CUBN: variants seen among roughly 807,000 people sequenced by gnomAD.
CUBN encodes 460 kDa receptor.
A neutral mutation model predicts 405.3 loss-of-function variants in CUBN; 282 were observed. That is an observed-to-expected ratio of 0.70 (90% CI 0.63 to 0.77). The LOEUF (loss-of-function observed/expected upper bound fraction) is 0.77, where lower values mean the gene tolerates loss of function less well. Ranked by LOEUF, CUBN falls within the 30% of genes least tolerant of loss-of-function variation. The pLI is 0.00. For missense variants in CUBN, 4,514 were observed against 4,475.2 expected (o/e 1.01, Z -0.25); for synonymous variants, 1,684 against 1,617.0 (o/e 1.04, Z -0.99).
intron 27 of CUBN, among the ~76,000 whole-genome samples, chr10:17,027,043 A>G (rs554680752): frequency 2.0e-5 from 3 of 152,378 alleles, no homozygotes; most frequent in Non-Finnish European, 2.9e-5. Context: ...GGTCTGTCTC[A>G]TATAAAAACC....
intron 31 of CUBN, among the ~76,000 whole-genome samples, chr10:16,981,808 C>T (rs1512705): frequency 0.56 from 84,704 of 151,954 alleles, 24,716 homozygotes; most frequent in Middle Eastern, 0.67. Flanking sequence ...CAAGGAAACC[C>T]TCCCATCTCA....
chr10:16,937,059 C>T (rs760525880), intron 39 of CUBN, among the ~76,000 whole-genome samples: 1 of 152,102 alleles, frequency 6.6e-6, no homozygotes, highest in Non-Finnish European at 1.5e-5. Context: ...CCAAACAATG[C>T]TAGCTCAATA....
rs376970710 is a variant in CUBN at position 16,939,099 on chromosome 10, G to A, written c.5597C>T (p.Pro1866Leu). Residue 1866 changes from proline to leucine, a missense_variant, in exon 38 of 67, where the codon CCT becomes CTT. By Grantham distance (98) the Pro-to-Leu change is moderately conservative (BLOSUM62 -3). This residue lies in a region of CUBN where 1,613 missense variants were observed against 1,542.8 expected (regional missense o/e 1.05). Coordinates refer to ENST00000377833, the MANE Select transcript of CUBN (RefSeq NM_001081.4). The stretch of plus-strand genomic sequence containing the variant: ...ATGTGGGTAGTTTTCAGGCCAGAAA[G>A]GAGAGGCGACTTTCCCATGAGTTCC... ...IVGTHGKVAS[P>L]FWPENYPHNS... 2 of 1,613,980 alleles carry A rather than the reference G, an allele frequency of 1.2e-6. No individual in the cohort carries two copies. Among genetic ancestry groups the A allele is most frequent in the Non-Finnish European group, 1.7e-6 (2 of 1,179,896 alleles).
chr10:17,065,665 G>C (rs1313021439), intron 21 of CUBN, 27 bp from the exon 22 acceptor site: 4 of 1,612,282 alleles, frequency 2.5e-6, no homozygotes, highest in Non-Finnish European at 3.4e-6. Context: ...AAGGACAGAT[G>C]TGTGTATTTT....
chr10:17,094,412 A>G (rs983059450), intron 14 of CUBN, among the ~76,000 whole-genome samples: 7 of 152,130 alleles, frequency 4.6e-5, no homozygotes, highest in African/African-American at 1.7e-4. Flanking sequence ...AAATATTAAA[A>G]TATGTTCTTC....
intron 32 of CUBN, among the ~76,000 whole-genome samples, chr10:16,953,239 C>G (rs981614677): frequency 2.6e-5 from 4 of 152,162 alleles, no homozygotes; most frequent in Non-Finnish European, 4.4e-5. Context: ...GGACTTTTTA[C>G]TATGAAGCAA....
chr10:16,898,904 TCTTA>T (rs1841274514), intron 54 of CUBN, 88 bp downstream of exon 54: 2 of 981,772 alleles, frequency 2.0e-6, no homozygotes, highest in East Asian at 4.8e-5. Context: ...AGCAAAATTT[TCTTA>T]CTTTGAGCGA....
At chr10:16,953,903 G>T (rs1842982484) in intron 32 of CUBN, among the ~76,000 whole-genome samples, 1 of 93,824 alleles carries the variant, frequency 1.1e-5, no homozygotes, top group Non-Finnish European at 2.0e-5. Flanking sequence ...GGGAGGAGAG[G>T]AAGGGGAAGA....
At chr10:16,994,806 C>T (rs1242579270) in intron 28 of CUBN, among the ~76,000 whole-genome samples, 3 of 152,250 alleles carry the variant, frequency 2.0e-5, no homozygotes, top group Non-Finnish European at 2.9e-5. Context: ...GATGAAAATA[C>T]CAGCCAGGCG....
rs1291254096 is a variant in CUBN at position 16,966,062 on chromosome 10, C to T, written c.4696-11514G>A. The T allele has an allele frequency of 5.6e-5, 26 of 460,452 alleles. No homozygotes were observed. The East Asian group carries it at 5.7e-4, about 10-fold the overall frequency. 28.5% of individuals were successfully genotyped at this position (460,452 alleles called of 1,614,324 possible). On this transcript the variant is annotated intron_variant, in intron 31 of 66. Transcript: ENST00000377833. Reference sequence around the variant, plus strand: ...TCTGTGAAGCTAAGTGAGATATTCACGGTCTCCAAGAAAGAAAACCACAGC... The same window carrying T: ...TCTGTGAAGCTAAGTGAGATATTCATGGTCTCCAAGAAAGAAAACCACAGC...
chr10:17,096,947 C>T (rs1184246402), intron 14 of CUBN, among the ~76,000 whole-genome samples: 1 of 151,938 alleles, frequency 6.6e-6, no homozygotes, highest in Non-Finnish European at 1.5e-5. Context: ...AAAAGTTCTC[C>T]AAGGAAAATG....
intron 11 of CUBN, among the ~76,000 whole-genome samples, chr10:17,104,939 G>A (rs539850958): frequency 1.3e-3 from 196 of 151,294 alleles, no homozygotes; most frequent in African/African-American, 4.5e-3. Flanking sequence ...CTCCTGAGTA[G>A]CTGGGATTAC....
intron 60 of CUBN, among the ~76,000 whole-genome samples, chr10:16,847,615 C>G (rs907170886): frequency 3.3e-5 from 5 of 152,212 alleles, no homozygotes; most frequent in African/African-American, 1.2e-4. Context: ...GTCTTTAACT[C>G]TCTACATCTC....
intron 4 of CUBN, among the ~76,000 whole-genome samples, chr10:17,125,399 T>C (rs540227719): frequency 6.6e-6 from 1 of 152,336 alleles, no homozygotes; most frequent in South Asian, 2.1e-4. Flanking sequence ...TTCTCCACTT[T>C]GGTCATAAAT....
intron 57 of CUBN, among the ~76,000 whole-genome samples, chr10:16,876,360 T>A (rs1242616552): frequency 6.6e-6 from 1 of 152,232 alleles, no homozygotes; most frequent in Non-Finnish European, 1.5e-5. Flanking sequence ...ATTGCTCCTC[T>A]TTTCTCTTTG....
chr10:16,940,180 T>A lies in CUBN; in HGVS notation c.5400A>T (p.Glu1800Asp). 6.2e-7 allele frequency: 1 copy of A among 1,614,138 alleles called. No homozygotes were observed. The highest frequency in any genetic ancestry group is 8.5e-7 in the Non-Finnish European group (1 of 1,179,990). Residue 1800 changes from glutamate (E) to aspartate (D), a missense_variant, in exon 37 of 67, where the codon GAA becomes GAT. Glu to Asp is a conservative substitution (Grantham distance 45). Coordinates refer to ENST00000377833, the MANE Select transcript of CUBN (RefSeq NM_001081.4). ...DCSRDFVEIR[E>D]GNATGHLVGR... ...CCACCAAGTGACCCGTGGCATTTCCTTCACGGATCTCCACAAAATCTCTGC... is the reference window on the plus strand; with the variant it reads ...CCACCAAGTGACCCGTGGCATTTCCATCACGGATCTCCACAAAATCTCTGC...
chr10:16,850,729 TC>T (rs1839662662), intron 60 of CUBN, among the ~76,000 whole-genome samples: 1 of 152,158 alleles, frequency 6.6e-6, no homozygotes, highest in African/African-American at 2.4e-5. Flanking sequence ...TGCCTCGGTG[TC>T]CCAAATTGCT....
intron 9 of CUBN, 150 bp downstream of exon 9, chr10:17,110,769 C>T: frequency 8.5e-7 from 1 of 1,174,506 alleles, no homozygotes; most frequent in Non-Finnish European, 1.3e-6. Flanking sequence ...GTGATCTGCC[C>T]ACCTCAGCCT....
At chr10:17,095,084 G>A (rs1836343671) in intron 14 of CUBN, among the ~76,000 whole-genome samples, 1 of 152,000 alleles carries the variant, frequency 6.6e-6, no homozygotes, top group Non-Finnish European at 1.5e-5. Context: ...ACAGAATAGA[G>A]AGCCCAGAAA....
Sources: allele counts gnomAD v4.1 joint callset (sites outside exome capture counted in the v4.1 genomes callset), GRCh38; gene constraint gnomAD v4.1.1; regional missense constraint gnomAD v4.1.1; transcripts MANE v1.5; gene names NCBI Gene and HGNC (gene_info 2026-07-23, HGNC 2026-07-21).